The following TOM1L1 variants were observed in gnomAD, a reference collection of about 807,000 sequenced individuals.
TOM1L1 encodes the protein target of myb1 like 1 membrane trafficking protein, also known as TOM1-like protein 1.
TOM1L1 carries 64 observed loss-of-function variants against 63.4 expected under a neutral mutation model. The ratio of observed to expected loss-of-function variants is 1.01; its 90% CI spans 0.83 to 1.24. The LOEUF is 1.24. TOM1L1 is among the 50% of genes most tolerant of loss of function. The probability of loss-of-function intolerance (pLI) is 0.00; values close to 1 mark genes in which losing one functional copy is unlikely to be tolerated. For synonymous variants in TOM1L1, 166 were observed against 194.4 expected (o/e 0.85, Z 1.22); for missense variants, 536 against 567.0 (o/e 0.95, Z 0.55).
chr17:54,903,639 G>A (rs79437959), intron 1 of TOM1L1, 69 bp from the exon 2 acceptor site: 3 of 1,399,120 alleles, frequency 2.1e-6, no homozygotes, highest in East Asian at 4.6e-5. Flanking sequence ...AGCCTAGGCA[G>A]ATTATTTCAG....
intron 7 of TOM1L1, among the ~76,000 whole-genome samples, chr17:54,923,384 T>A (rs961944316): frequency 6.6e-6 from 1 of 152,112 alleles, no homozygotes; most frequent in African/African-American, 2.4e-5. Flanking sequence ...TTCTCCACAA[T>A]GAATACTTGT....
intron 13 of TOM1L1, 43 bp downstream of exon 13, chr17:54,949,666 G>A (rs745861018): frequency 1.4e-5 from 19 of 1,406,656 alleles, no homozygotes; most frequent in Non-Finnish European, 1.9e-5. Context: ...GGAAACTTAT[G>A]AGAATATATG....
At chr17:54,947,121 A>G in intron 11 of TOM1L1, 140 bp from the exon 12 acceptor site, 1 of 768,384 alleles carries the variant, frequency 1.3e-6, no homozygotes, top group Non-Finnish European at 2.2e-6. Context: ...ATTGTTTTAT[A>G]AACAGTTATT....
intron 3 of TOM1L1, among the ~76,000 whole-genome samples, chr17:54,909,858 G>A (rs565473071): frequency 2.0e-5 from 3 of 152,272 alleles, no homozygotes; most frequent in African/African-American, 7.2e-5. Flanking sequence ...GAACACATTT[G>A]CATCAAAGTT....
intron 7 of TOM1L1, among the ~76,000 whole-genome samples, chr17:54,928,684 A>C (rs937603452): frequency 6.6e-6 from 1 of 152,338 alleles, no homozygotes; most frequent in Admixed American, 6.5e-5. Context: ...TGGAGCTTTA[A>C]GAACAACACT....
At chr17:54,949,648 T>A (rs974425410) in intron 13 of TOM1L1, 25 bp downstream of exon 13, 5 of 1,545,070 alleles carry the variant, frequency 3.2e-6, no homozygotes, top group Non-Finnish European at 4.5e-6. Flanking sequence ...ATTATTCGCA[T>A]CAAATAAGGA....
intron 14 of TOM1L1, among the ~76,000 whole-genome samples, chr17:54,951,204 G>A (rs1296918954): frequency 6.6e-6 from 1 of 152,216 alleles, no homozygotes; most frequent in African/African-American, 2.4e-5. Context: ...ATATTTACTG[G>A]TTTATTATAA....
At chr17:54,915,708 T>G in intron 6 of TOM1L1, 38 bp from the exon 7 acceptor site, 1 of 1,377,818 alleles carries the variant, frequency 7.3e-7, no homozygotes, top group South Asian at 1.6e-5. Flanking sequence ...TTATTCTTTG[T>G]GTGTCGCACT....
chr17:54,904,012 T>G (rs2048369413), intron 2 of TOM1L1, among the ~76,000 whole-genome samples: 2 of 152,192 alleles, frequency 1.3e-5, no homozygotes, highest in South Asian at 4.1e-4. Context: ...TTTTCTCCTC[T>G]TGGCAGTTTC....
At position 54,939,031 on chromosome 17, in the gene TOM1L1, C is replaced by T; in HGVS notation, c.1130+11C>T. 2 of 1,512,208 alleles carry T rather than the reference C, an allele frequency of 1.3e-6. No individual in the cohort carries two copies. Among genetic ancestry groups the T allele is most frequent in the South Asian group, 1.2e-5 (1 of 86,952 alleles). 93.7% of individuals were successfully genotyped at this position (1,512,208 alleles called of 1,614,324 possible). A position where few individuals can be genotyped will look rare whatever the true frequency, so the allele number is the denominator to read the frequency against. ...TACAGAGATACCCCCGTAAGTATGT[C>T]AGTAACACTGCAGAACTAATATCAT... is the stretch of plus-strand genomic sequence containing the variant. On this transcript the variant is annotated intron_variant, in intron 11 of 15. Transcript: ENST00000575882.
At chr17:54,953,326 G>C (rs372085327) in intron 14 of TOM1L1, 3 of 152,324 alleles carry the variant, frequency 2.0e-5, no homozygotes, top group Admixed American at 1.3e-4. Flanking sequence ...CCATGATCAC[G>C]GTGCTGCACT....
At chr17:54,911,924 C>T (rs778284636) in intron 3 of TOM1L1, among the ~76,000 whole-genome samples, 7 of 152,136 alleles carry the variant, frequency 4.6e-5, no homozygotes, top group Non-Finnish European at 7.4e-5. Context: ...CTTTGCATGC[C>T]ACACAAACTT....
At chr17:54,906,019 A>G (rs1018122309) in intron 3 of TOM1L1, among the ~76,000 whole-genome samples, 2 of 152,034 alleles carry the variant, frequency 1.3e-5, no homozygotes, top group Non-Finnish European at 2.9e-5. Flanking sequence ...AATGTTTAAA[A>G]ATTAGCCAGA....
At chr17:54,916,565 A>G (rs1425391961) in intron 7 of TOM1L1, 1 of 151,566 alleles carries the variant, frequency 6.6e-6, no homozygotes, top group Admixed American at 6.6e-5. Flanking sequence ...AAGCAGTTAG[A>G]AAAAAAAATC....
In TOM1L1 at chr17:54,949,546, T is replaced by C. The variant is rs771207641; in HGVS notation, c.1211T>C (p.Leu404Pro). The change falls in exon 13 of 16, where the codon CTA becomes CCA. Residue 404 changes from leucine (L) to proline (P), a missense_variant. By Grantham distance (98) the Leu-to-Pro change is moderately conservative. Coordinates refer to ENST00000575882, the MANE Select transcript of TOM1L1 (RefSeq NM_005486.3). ...CTGGAACATTCAAATTCAGTGTTTC[T>C]ACAGCCAGTTAGTCTACAAACCATT... is the stretch of plus-strand genomic sequence containing the variant. ...NFLEHSNSVF[L>P]QPVSLQTIAA... 2.5e-6 allele frequency: 4 copies of C among 1,614,020 alleles called. No individual in the cohort carries two copies. In the South Asian group the frequency reaches 4.4e-5, roughly 18 times the overall value.
chr17:54,907,098 G>A (rs1029715303), intron 3 of TOM1L1, among the ~76,000 whole-genome samples: 22 of 151,066 alleles, frequency 1.5e-4, no homozygotes, highest in Non-Finnish European at 2.7e-4. Context: ...GATCATTAAA[G>A]AAACCCTTCA....
At chr17:54,907,524 A>G (rs9895901) in intron 3 of TOM1L1, among the ~76,000 whole-genome samples, 41,347 of 151,836 alleles carry the variant, frequency 0.27, 5,707 homozygotes, top group Non-Finnish European at 0.3. Flanking sequence ...TGTTTCCTTT[A>G]TGTCTTTAGT....
At chr17:54,916,151 C>CT in intron 7 of TOM1L1, 2 of 412,708 alleles carry the variant, frequency 4.8e-6, no homozygotes, top group Admixed American at 8.4e-5. Context: ...AAAATTGCCT[C>CT]TATTTTCATC....
At chr17:54,948,480 T>C (rs911952904) in intron 12 of TOM1L1, among the ~76,000 whole-genome samples, 1 of 152,182 alleles carries the variant, frequency 6.6e-6, no homozygotes, top group South Asian at 2.1e-4. Context: ...CTTCAGAGAC[T>C]GTGAACTTGT....
Sources: allele counts gnomAD v4.1 joint callset (sites outside exome capture counted in the v4.1 genomes callset), GRCh38; gene constraint gnomAD v4.1.1; transcripts MANE v1.5; gene names NCBI Gene and HGNC (gene_info 2026-07-23, HGNC 2026-07-21).